HIBCH: variants seen among roughly 807,000 people sequenced by gnomAD.
HIBCH encodes the protein 3-hydroxyisobutyryl-CoA hydrolase, mitochondrial.
A neutral mutation model predicts 58.2 loss-of-function variants in HIBCH; 50 were observed. The ratio of observed to expected loss-of-function variants is 0.86; its 90% confidence interval spans 0.68 to 1.09. HIBCH has a LOEUF of 1.09. Among genes scored for constraint, HIBCH ranks in the 50% least tolerant of loss-of-function variants. HIBCH has a pLI of 0.00. For missense variants in HIBCH, 450 were observed against 449.7 expected, an observed-to-expected ratio of 1.00 and a Z score of -0.01; for synonymous variants, 151 against 146.9, an observed-to-expected ratio of 1.03 and a Z score of -0.20.
At chr2:190,212,745 A>C (rs773687303) in intron 12 of HIBCH, among the ~76,000 whole-genome samples, 3 of 152,184 alleles carry the variant, frequency 2.0e-5, no homozygotes, top group Non-Finnish European at 4.4e-5. Flanking sequence ...ACTGACATGC[A>C]AATGTAATTG....
chr2:190,267,266 G>A (rs1687268814), intron 6 of HIBCH, among the ~76,000 whole-genome samples: 1 of 151,470 alleles, frequency 6.6e-6, no homozygotes. Flanking sequence ...GCACAGTGGC[G>A]TGACCTTGGC....
At chr2:190,242,962 G>C (rs1041680764) in intron 11 of HIBCH, among the ~76,000 whole-genome samples, 1 of 152,158 alleles carries the variant, frequency 6.6e-6, no homozygotes, top group African/African-American at 2.4e-5. Flanking sequence ...GCATAATTAT[G>C]ACCTTATTAT....
rs1417244334 is a variant in HIBCH at position 190,216,438 on chromosome 2, A to G, written c.892-3363T>C. Among the ~76,000 whole-genome samples the G allele has an allele frequency of 6.6e-6, 1 of 152,178 alleles. No individual in the cohort carries two copies. Among genetic ancestry groups the G allele is most frequent in the Non-Finnish European group, 1.5e-5 (1 of 68,026 alleles). On this transcript the variant is annotated intron_variant, in intron 11 of 13. Coordinates refer to ENST00000359678, the MANE Select transcript of HIBCH (RefSeq NM_014362.4). This position sits in a 1 kb window ranked among gnomAD's most constrained non-coding sequence, Gnocchi z 4.2. ...AGTCCACCACGGGCAGCTGTCAGTA[A>G]GGCTGCAGAAGGTCTGGGGGGCTAT...
intron 7 of HIBCH, among the ~76,000 whole-genome samples, chr2:190,259,996 C>T (rs901293445): frequency 3.3e-5 from 5 of 152,096 alleles, no homozygotes; most frequent in Admixed American, 6.5e-5. Context: ...CCCCTAAAAT[C>T]AGGAACAAGG....
At chr2:190,227,257 C>A (rs1267242995) in intron 11 of HIBCH, among the ~76,000 whole-genome samples, 1 of 152,018 alleles carries the variant, frequency 6.6e-6, no homozygotes, top group African/African-American at 2.4e-5. Context: ...CAGAACAGAG[C>A]CCTCAGAAAT....
chr2:190,212,830 T>G, intron 12 of HIBCH, 126 bp downstream of exon 12: 1 of 812,396 alleles, frequency 1.2e-6, no homozygotes. Context: ...CCTGTTGTGT[T>G]TTTGTAGAGT....
chr2:190,268,494 A>G (rs995399222), intron 6 of HIBCH, among the ~76,000 whole-genome samples: 1 of 152,232 alleles, frequency 6.6e-6, no homozygotes, highest in Non-Finnish European at 1.5e-5. Context: ...TGGCATCCCT[A>G]AAGGCAAAAT....
At position 190,319,762 on chromosome 2, in the gene HIBCH, C is replaced by A. The variant is rs762813804; in HGVS notation, c.-12G>T. The A allele has an allele frequency of 4.3e-6, 7 of 1,610,974 alleles. No individual in the cohort carries two copies. The highest frequency in any genetic ancestry group is 1.6e-4 in the Middle Eastern group (1 of 6,062). ...TCGCGCTGCCCCATCGCCAAACACT[C>A]CGAAGCTAAAGCAGCAGAGCGAGAA... On this transcript the variant is annotated 5_prime_UTR_variant, in exon 1 of 14. Coordinates refer to ENST00000359678, the MANE Select transcript of HIBCH (RefSeq NM_014362.4).
chr2:190,191,056 A>AGTCAT (rs1412903560), intron 1 of HIBCH, among the ~76,000 whole-genome samples: 1 of 152,200 alleles, frequency 6.6e-6, no homozygotes, highest in African/African-American at 2.4e-5. Flanking sequence ...CATGCCTTTG[A>AGTCAT]GTCATCCATA....
At chr2:190,305,352 G>A (rs1688377141) in intron 2 of HIBCH, among the ~76,000 whole-genome samples, 1 of 152,144 alleles carries the variant, frequency 6.6e-6, no homozygotes, top group Admixed American at 6.5e-5. Flanking sequence ...GCAGGGCAAT[G>A]CTCCTGCTGA....
Position 190,209,569 on chromosome 2 carries a change from A to T in HIBCH, c.1012-656T>A. 6.7e-6 allele frequency among the ~76,000 whole-genome samples: 1 copy of T among 150,192 alleles called. No homozygotes were observed. The highest frequency in any genetic ancestry group is 1.9e-4 in the East Asian group (1 of 5,198). Reference sequence around the variant, plus strand: ...CTCTGACTTCTTTAAAAATACGAGAAGCTCTTAGATATGAAGTCTTGTCTT... The same window carrying T: ...CTCTGACTTCTTTAAAAATACGAGATGCTCTTAGATATGAAGTCTTGTCTT... On this transcript the variant is annotated intron_variant, in intron 12 of 13. Transcript: ENST00000359678. This position sits in a 1 kb window ranked among gnomAD's most constrained non-coding sequence, Gnocchi z 5.6.
intron 11 of HIBCH, among the ~76,000 whole-genome samples, chr2:190,218,426 A>G (rs1685620820): frequency 6.6e-6 from 1 of 152,180 alleles, no homozygotes; most frequent in African/African-American, 2.4e-5. Context: ...TACATTAGGA[A>G]TAATTATCTC....
At chr2:190,266,087 C>G (rs75115576) in intron 6 of HIBCH, among the ~76,000 whole-genome samples, 2,304 of 152,130 alleles carry the variant, frequency 0.015, 64 homozygotes, top group African/African-American at 0.051. Flanking sequence ...CTTTCCATTA[C>G]AGATTGCAAC....
At chr2:190,208,609 A>T (rs1690448382) in intron 13 of HIBCH, 1 of 499,542 alleles carries the variant, frequency 2.0e-6, no homozygotes, top group African/African-American at 1.9e-5. Context: ...CTACTAAAAC[A>T]ACTATAGGTT....
chr2:190,294,022 G>GTGTGTATATATATA (rs755751586), intron 4 of HIBCH, among the ~76,000 whole-genome samples: 4 of 83,018 alleles, frequency 4.8e-5, no homozygotes, highest in Non-Finnish European at 1.0e-4. Context: ...TATTTTGTGT[G>GTGTGTATATATATA]TATATATATA....
intron 6 of HIBCH, among the ~76,000 whole-genome samples, chr2:190,262,163 C>CAAAAAAAAA (rs982653583): frequency 1.1e-4 from 10 of 91,864 alleles, no homozygotes; most frequent in African/African-American, 3.9e-4. Flanking sequence ...GCGGTAGAGA[C>CAAAAAAAAA]AAAAAAAAAA....
At chr2:190,301,407 G>A (rs1440356229) in intron 2 of HIBCH, among the ~76,000 whole-genome samples, 1 of 152,164 alleles carries the variant, frequency 6.6e-6, no homozygotes, top group Non-Finnish European at 1.5e-5. Context: ...AACAACAGCT[G>A]AAGAAAAGGA....
At chr2:190,292,675 C>G (rs933750907) in intron 4 of HIBCH, among the ~76,000 whole-genome samples, 1 of 152,114 alleles carries the variant, frequency 6.6e-6, no homozygotes, top group South Asian at 2.1e-4. Flanking sequence ...TTCACTTATA[C>G]CTAAACAAAC....
At chr2:190,224,016 C>T (rs544917288) in intron 11 of HIBCH, among the ~76,000 whole-genome samples, 11 of 152,318 alleles carry the variant, frequency 7.2e-5, no homozygotes, top group East Asian at 1.9e-4. Flanking sequence ...CAAGGGAAAC[C>T]GTGACAGACG....
Sources: allele counts gnomAD v4.1 joint callset (sites outside exome capture counted in the v4.1 genomes callset), GRCh38; gene constraint gnomAD v4.1.1; non-coding constraint Gnocchi (gnomAD v3.1); transcripts MANE v1.5; gene names NCBI Gene and HGNC (gene_info 2026-07-23, HGNC 2026-07-21).